GRIN2A: variants seen among roughly 807,000 people sequenced by gnomAD.
GRIN2A encodes glutamate receptor ionotropic, NMDA 2A.
In GRIN2A, 22 loss-of-function variants were observed where a neutral mutation model predicts 113.4. That is an observed-to-expected ratio of 0.19 (90% CI 0.14 to 0.28). GRIN2A has a LOEUF of 0.28. GRIN2A is among the 10% of genes least tolerant of loss of function. The pLI is 1.00. For missense variants in GRIN2A, 1,502 were observed against 1,887.0 expected, an observed-to-expected ratio of 0.80 and a Z score of 3.78; for synonymous variants, 827 against 738.4, an observed-to-expected ratio of 1.12 and a Z score of -1.94.
intron 2 of GRIN2A, among the ~76,000 whole-genome samples, chr16:10,163,198 G>T (rs1324249773): frequency 6.6e-6 from 1 of 152,188 alleles, no homozygotes; most frequent in Non-Finnish European, 1.5e-5. Context: ...GGCATGGACA[G>T]CTGGCTTCAG....
At position 9,764,562 on chromosome 16, in the gene GRIN2A, G is replaced by A; in HGVS notation, c.2982C>T (p.Asn994=). 6.2e-7 allele frequency: 1 copy of A among 1,613,958 alleles called. No homozygotes were observed. The highest frequency in any genetic ancestry group is 8.5e-7 in the Non-Finnish European group (1 of 1,179,988). ...CTGTGCTCACGGCCACCTCCACCGT[G>A]TTAGGGTTGGACTCATTGAGAGTAA... is the stretch of plus-strand genomic sequence containing the variant. ...HPLTLNESNP[N]TVEVAVSTES... is the part of the protein sequence containing the mutation. Residue 994 remains asparagine, a synonymous_variant, in exon 13 of 13, where the codon AAC becomes AAT. Transcript: ENST00000330684.
intron 12 of GRIN2A, among the ~76,000 whole-genome samples, chr16:9,765,666 A>G (rs917342943): frequency 5.9e-5 from 9 of 152,164 alleles, no homozygotes; most frequent in Non-Finnish European, 1.5e-5. Flanking sequence ...AGCCCAAGAG[A>G]TAGAGAAAGA....
intron 11 of GRIN2A, among the ~76,000 whole-genome samples, chr16:9,787,405 C>T (rs2141198684): frequency 6.6e-6 from 1 of 152,302 alleles, no homozygotes; most frequent in African/African-American, 2.4e-5. Flanking sequence ...TGTGCCCCAC[C>T]CTCTACCCCA....
intron 3 of GRIN2A, among the ~76,000 whole-genome samples, chr16:9,900,415 G>T (rs935944126): frequency 3.3e-5 from 5 of 152,104 alleles, no homozygotes; most frequent in African/African-American, 7.2e-5. Context: ...CTGAGTCAAG[G>T]GTGACTCCTT....
At chr16:10,084,097 TCTAA>T (rs2048039183) in intron 2 of GRIN2A, among the ~76,000 whole-genome samples, 1 of 152,152 alleles carries the variant, frequency 6.6e-6, no homozygotes, top group African/African-American at 2.4e-5. Context: ...TGAGACCCTG[TCTAA>T]CAACAACAAC....
intron 2 of GRIN2A, among the ~76,000 whole-genome samples, chr16:10,174,840 GA>G (rs142412213): frequency 0.018 from 2,417 of 137,194 alleles, 59 homozygotes; most frequent in African/African-American, 0.06. Flanking sequence ...CAGAGAACTG[GA>G]AAAAAAAAAA....
chr16:9,781,341 A>G (rs1303524487), intron 11 of GRIN2A, among the ~76,000 whole-genome samples: 1 of 152,198 alleles, frequency 6.6e-6, no homozygotes, highest in Non-Finnish European at 1.5e-5. Context: ...ATCCACTATT[A>G]CTATTACTTT....
At chr16:9,979,631 C>G (rs905260286) in intron 2 of GRIN2A, among the ~76,000 whole-genome samples, 3 of 151,934 alleles carry the variant, frequency 2.0e-5, no homozygotes, top group Admixed American at 6.6e-5. Context: ...GTATTGATGT[C>G]TCCCTATACT....
intron 10 of GRIN2A, among the ~76,000 whole-genome samples, chr16:9,801,833 C>T (rs1016449795): frequency 1.2e-4 from 18 of 152,082 alleles, no homozygotes; most frequent in African/African-American, 3.9e-4. Flanking sequence ...GCCTGACTGT[C>T]ATCTTAGGGC....
chr16:9,806,284 A>T (rs1351760347), intron 10 of GRIN2A, among the ~76,000 whole-genome samples: 1 of 152,196 alleles, frequency 6.6e-6, no homozygotes, highest in Non-Finnish European at 1.5e-5. Context: ...TATTTCCACC[A>T]AGTCAAGTCC....
chr16:10,002,949 C>T (rs1402903611), intron 2 of GRIN2A, among the ~76,000 whole-genome samples: 7 of 152,102 alleles, frequency 4.6e-5, no homozygotes, highest in Non-Finnish European at 8.8e-5. Context: ...TTATTCTTGT[C>T]GAAATTCATC....
chr16:10,078,049 C>G (rs1057142720), intron 2 of GRIN2A, among the ~76,000 whole-genome samples: 1 of 152,170 alleles, frequency 6.6e-6, no homozygotes, highest in Non-Finnish European at 1.5e-5. Flanking sequence ...GGCTGAATAC[C>G]ATTGTGGTGA....
rs1900774977 is a variant in GRIN2A, at chr16:9,764,400, G to T, written c.3144C>A (p.Ser1048Arg). The T allele has an allele frequency of 4.3e-6, 7 of 1,613,962 alleles. No individual in the cohort carries two copies. Among genetic ancestry groups the T allele is most frequent in the Admixed American group, 1.7e-5 (1 of 60,004 alleles). The stretch of plus-strand genomic sequence containing the variant: ...CCATCTCTTCTGGAAGATACCTAGG[G>T]CTCTTTAGGGAGTGGGTCCTATTCT... ...TAENRTHSLK[S>R]PRYLPEEMAH... Residue 1048 changes from serine to arginine, a missense_variant, in exon 13 of 13, where the codon AGC (serine) becomes AGA (arginine). Ser to Arg is a moderately radical substitution (Grantham distance 110, BLOSUM62 -1). Around this residue, in one of 7 missense-constraint regions of GRIN2A, gnomAD observed 832 missense variants for 789.7 expected, o/e 1.05. Transcript: ENST00000330684.
rs527548445 is a variant in GRIN2A at position 10,011,645 on chromosome 16, C to T, written c.415-73094G>A. Among the ~76,000 whole-genome samples the T allele has an allele frequency of 2.0e-5, 3 of 152,266 alleles. No homozygotes were observed. In the East Asian group the frequency reaches 5.8e-4, roughly 29 times the overall value. On this transcript the variant is annotated intron_variant, in intron 2 of 12. Transcript: ENST00000330684. ...TCTCCTTATTCATTGCAGATGCACGCTTTTTGCAGAGCACCCTTGAAACAT... is the reference window on the plus strand; with the variant it reads ...TCTCCTTATTCATTGCAGATGCACGTTTTTTGCAGAGCACCCTTGAAACAT...
At position 9,797,168 on chromosome 16, in the gene GRIN2A, A is replaced by T. The variant is rs115979656; in HGVS notation, c.2356+1109T>A. 9.6e-3 allele frequency among the ~76,000 whole-genome samples: 1,469 copies of T among 152,278 alleles called. 31 individuals carry two copies. Among genetic ancestry groups the T allele is most frequent in the African/African-American group, 0.034 (1,406 of 41,554 alleles). On this transcript the variant is annotated intron_variant, in intron 11 of 12. Coordinates refer to ENST00000330684, the MANE Select transcript of GRIN2A (RefSeq NM_001134407.3). ...AGTGGTAACTAGATTTTTCTCTCCCACCTGTAGCCTGGCATAACACGTTCT... is the reference window on the plus strand; with the variant it reads ...AGTGGTAACTAGATTTTTCTCTCCCTCCTGTAGCCTGGCATAACACGTTCT...
intron 2 of GRIN2A, among the ~76,000 whole-genome samples, chr16:9,958,295 C>T (rs144523906): frequency 3.0e-4 from 46 of 152,288 alleles, no homozygotes; most frequent in Non-Finnish European, 6.0e-4. Context: ...TGAATGCTGA[C>T]TTGCCACAAA....
chr16:9,978,184 C>T (rs1596381380), intron 2 of GRIN2A, among the ~76,000 whole-genome samples: 1 of 152,176 alleles, frequency 6.6e-6, no homozygotes, highest in African/African-American at 2.4e-5. Context: ...GTTGTCAGTT[C>T]CCAATGCAAG....
chr16:10,015,252 C>CAAAAAAAAAA (rs200124835), intron 2 of GRIN2A, among the ~76,000 whole-genome samples: 19 of 19,302 alleles, frequency 9.8e-4, no homozygotes, highest in African/African-American at 2.2e-3. Context: ...GACTTCATCT[C>CAAAAAAAAAA]AAAAAAAAAA....
At chr16:9,875,755 A>C (rs9934124) in intron 4 of GRIN2A, among the ~76,000 whole-genome samples, 52,365 of 152,128 alleles carry the variant, frequency 0.34, 10,170 homozygotes, top group African/African-American at 0.54. Context: ...TAGAATGGAT[A>C]AGATGACTGT....
Sources: gnomAD v4.1 joint callset for allele counts (sites outside exome capture counted in the v4.1 genomes callset) on GRCh38, gnomAD v4.1.1 for gene constraint, gnomAD v4.1.1 regional missense constraint, MANE v1.5 for transcripts, NCBI Gene and HGNC (gene_info 2026-07-23, HGNC 2026-07-21) for gene names.